Variants in PIGK observed in about 807,000 individuals in gnomAD.
PIGK encodes GPI-anchor transamidase.
PIGK carries 42 observed loss-of-function variants against 50.6 expected under a neutral mutation model. The observed-to-expected ratio is 0.83, with a 90% CI of 0.65 to 1.07. PIGK has a LOEUF of 1.07. PIGK is among the 50% of genes least tolerant of loss of function. PIGK has a pLI of 0.00. For missense variants in PIGK, 448 were observed against 488.7 expected (o/e 0.92, Z 0.78); for synonymous variants, 151 against 156.0 (o/e 0.97, Z 0.24).
intron 3 of PIGK, among the ~76,000 whole-genome samples, chr1:77,178,762 C>G (rs1655544557): frequency 6.6e-6 from 1 of 152,156 alleles, no homozygotes; most frequent in African/African-American, 2.4e-5. Flanking sequence ...TAAATGTTTA[C>G]AAGTCAGCCA....
chr1:77,126,400 C>A (rs17099932), intron 9 of PIGK, among the ~76,000 whole-genome samples: 1,923 of 152,184 alleles, frequency 0.013, 39 homozygotes, highest in African/African-American at 0.044. Context: ...AGCTGACTTA[C>A]TAGGTTTCTC....
chr1:77,179,467 C>T (rs547935332), intron 3 of PIGK, among the ~76,000 whole-genome samples: 88 of 152,250 alleles, frequency 5.8e-4, no homozygotes, highest in African/African-American at 1.9e-3. Context: ...GAGTCTTGAC[C>T]AATCCCAGGA....
intron 10 of PIGK, among the ~76,000 whole-genome samples, chr1:77,111,408 C>A (rs1444883504): frequency 2.0e-5 from 3 of 152,166 alleles, no homozygotes; most frequent in African/African-American, 7.2e-5. Context: ...ACATATACAC[C>A]ATGGAATACT....
chr1:77,195,944 T>G (rs1656024705), intron 3 of PIGK, among the ~76,000 whole-genome samples: 1 of 152,154 alleles, frequency 6.6e-6, no homozygotes, highest in African/African-American at 2.4e-5. Context: ...GTACTAAGCA[T>G]AGTATTCAAT....
intron 6 of PIGK, among the ~76,000 whole-genome samples, chr1:77,162,291 A>G (rs1392440963): frequency 1.3e-5 from 2 of 152,216 alleles, no homozygotes; most frequent in Non-Finnish European, 2.9e-5. Context: ...AGAAAAGCAG[A>G]TCAGAGAAAG....
At chr1:77,159,932 T>C (rs563571962) in intron 8 of PIGK, among the ~76,000 whole-genome samples, 6 of 152,190 alleles carry the variant, frequency 3.9e-5, no homozygotes, top group African/African-American at 1.2e-4. Context: ...GAAGGCACGA[T>C]TGGTTTTGAA....
intron 3 of PIGK, among the ~76,000 whole-genome samples, chr1:77,174,070 C>A (rs1655425889): frequency 6.6e-6 from 1 of 152,324 alleles, no homozygotes; most frequent in African/African-American, 2.4e-5. Context: ...TAAGGCCTTG[C>A]CTTTTTACAA....
intron 3 of PIGK, among the ~76,000 whole-genome samples, chr1:77,204,471 T>A (rs1179064856): frequency 1.5e-4 from 23 of 152,150 alleles, no homozygotes; most frequent in Admixed American, 1.5e-3. Flanking sequence ...CCATTTGCCA[T>A]GTGATATTTT....
intron 1 of PIGK, among the ~76,000 whole-genome samples, chr1:77,218,597 C>A (rs1287897261): frequency 6.6e-6 from 1 of 152,122 alleles, no homozygotes; most frequent in Non-Finnish European, 1.5e-5. Flanking sequence ...AAACTTTGCA[C>A]ACGGATTTTC....
At chr1:77,145,131 C>G (rs1654738384) in intron 9 of PIGK, among the ~76,000 whole-genome samples, 1 of 151,932 alleles carries the variant, frequency 6.6e-6, no homozygotes, top group Non-Finnish European at 1.5e-5. Context: ...TCATATTCTT[C>G]ACAATCAATT....
intron 9 of PIGK, among the ~76,000 whole-genome samples, chr1:77,147,940 T>G (rs1340096177): frequency 1.3e-5 from 2 of 152,230 alleles, no homozygotes. Flanking sequence ...CCCAATCAGT[T>G]TTATGTACTA....
At chr1:77,115,311 C>T (rs1219008688) in intron 10 of PIGK, among the ~76,000 whole-genome samples, 2 of 152,062 alleles carry the variant, frequency 1.3e-5, no homozygotes, top group Admixed American at 6.6e-5. Flanking sequence ...GAGTAAGAGG[C>T]TAATTATACA....
At chr1:77,162,382 A>G (rs1209414143) in intron 6 of PIGK, among the ~76,000 whole-genome samples, 1 of 152,188 alleles carries the variant, frequency 6.6e-6, no homozygotes, top group African/African-American at 2.4e-5. Context: ...AGAGAAAAGC[A>G]CATAATGTAA....
intron 9 of PIGK, among the ~76,000 whole-genome samples, chr1:77,133,349 A>G (rs1046330424): frequency 6.6e-6 from 1 of 152,118 alleles, no homozygotes; most frequent in African/African-American, 2.4e-5. Flanking sequence ...TATTTTAGTT[A>G]TAAGCTCTGG....
intron 9 of PIGK, among the ~76,000 whole-genome samples, chr1:77,130,797 T>C (rs1654356716): frequency 6.6e-6 from 1 of 152,160 alleles, no homozygotes; most frequent in Admixed American, 6.5e-5. Context: ...TAAGAGAGCA[T>C]ACCTGGAGTC....
intron 9 of PIGK, among the ~76,000 whole-genome samples, chr1:77,130,888 C>T (rs909490289): frequency 6.6e-6 from 1 of 152,084 alleles, no homozygotes; most frequent in Non-Finnish European, 1.5e-5. Context: ...AAAATGACTA[C>T]ATACTCCACA....
chr1:77,162,093 C>G (rs1655140908), intron 6 of PIGK, among the ~76,000 whole-genome samples: 1 of 152,138 alleles, frequency 6.6e-6, no homozygotes, highest in Non-Finnish European at 1.5e-5. Context: ...AGCATAAACT[C>G]TAAGTGGAAC....
chr1:77,143,724 G>A (rs1416118463), intron 9 of PIGK, among the ~76,000 whole-genome samples: 1 of 151,972 alleles, frequency 6.6e-6, no homozygotes, highest in Admixed American at 6.6e-5. Context: ...CCATCTTCTG[G>A]TACAACACAA....
chr1:77,116,485 GAAT>G (rs1653968380), intron 10 of PIGK, among the ~76,000 whole-genome samples: 1 of 151,632 alleles, frequency 6.6e-6, no homozygotes, highest in Non-Finnish European at 1.5e-5. Flanking sequence ...GTGCCTGGCC[GAAT>G]TTCTCACACA....
Sources: allele counts gnomAD v4.1 joint callset (sites outside exome capture counted in the v4.1 genomes callset), GRCh38; gene constraint gnomAD v4.1.1; transcripts MANE v1.5; gene names NCBI Gene and HGNC (gene_info 2026-07-23, HGNC 2026-07-21).